Variants in PDE1C observed in about 807,000 individuals in gnomAD.
The protein encoded by PDE1C is dual specificity calcium/calmodulin-dependent 3',5'-cyclic nucleotide phosphodiesterase 1C.
Under a neutral mutation model 93.1 loss-of-function variants are expected in PDE1C, and 62 were observed. The ratio of observed to expected loss-of-function variants is 0.67; its 90% CI spans 0.54 to 0.82. PDE1C has a LOEUF of 0.82. PDE1C is among the 40% of genes least tolerant of loss of function. PDE1C has a pLI of 0.00. For missense variants in PDE1C, 742 were observed against 884.6 expected (o/e 0.84, Z 2.04); for synonymous variants, 325 against 310.1 (o/e 1.05, Z -0.50).
At chr7:31,676,220 A>G in the PDE1C span, among the ~76,000 whole-genome samples, 1 of 152,144 alleles carries the variant, frequency 6.6e-6, no homozygotes, top group Non-Finnish European at 1.5e-5. Flanking sequence ...CCAGAGTGTA[A>G]GATGTACCCA....
chr7:31,763,785 T>G (rs1794974325), intron 17 of PDE1C, among the ~76,000 whole-genome samples: 1 of 152,058 alleles, frequency 6.6e-6, no homozygotes. Context: ...CCCTGGTGGA[T>G]CTTCTTATTA....
At position 32,113,546 on chromosome 7, in the gene PDE1C, A is replaced by G. The variant is rs140222922; in HGVS notation, c.308+56239T>C. Among the ~76,000 whole-genome samples, 1,492 of 151,780 alleles carry G rather than the reference A, an allele frequency of 9.8e-3. 25 individuals carry two copies. The highest frequency in any genetic ancestry group is 0.034 in the African/African-American group (1,426 of 41,408). On this transcript the variant is annotated intron_variant, in intron 3 of 18. Transcript: ENST00000396193. Reference sequence around the variant, plus strand: ...TTAGAAATAAATATTACCTTTTAACATCAATTTATCTAGTAATGAAATAAA... The same window carrying G: ...TTAGAAATAAATATTACCTTTTAACGTCAATTTATCTAGTAATGAAATAAA...
intron 16 of PDE1C, among the ~76,000 whole-genome samples, chr7:31,807,360 C>T (rs530201131): frequency 6.6e-6 from 1 of 151,978 alleles, no homozygotes; most frequent in African/African-American, 2.4e-5. Context: ...AAACTTTACA[C>T]TTATTTGCAC....
At chr7:31,693,993 T>A in the PDE1C span, among the ~76,000 whole-genome samples, 6 of 152,214 alleles carry the variant, frequency 3.9e-5, no homozygotes, top group Non-Finnish European at 8.8e-5. Context: ...CTTCTTTGAA[T>A]CCTAACGGAA....
In PDE1C at chr7:31,773,637, A is replaced by G. The variant is rs1030138271; in HGVS notation, c.1960+2027T>C. Among the ~76,000 whole-genome samples, 26 of 152,110 alleles carry G rather than the reference A, an allele frequency of 1.7e-4. 1 individual carries two copies. Among genetic ancestry groups the G allele is most frequent in the Non-Finnish European group, 2.9e-5 (2 of 68,036 alleles). ...TCACTACTCAAAAGCAAGTCTGTAG[A>G]GTTGAAACAAATCCAAACTTTAAGA... On this transcript the variant is annotated intron_variant, in intron 17 of 17. Transcript: ENST00000396191.
intron 1 of PDE1C, among the ~76,000 whole-genome samples, chr7:32,227,850 T>G (rs1807407705): frequency 1.3e-5 from 2 of 152,158 alleles, no homozygotes; most frequent in South Asian, 4.1e-4. Flanking sequence ...TATAAAGACA[T>G]GCAAGCAGCC....
intron 2 of PDE1C, among the ~76,000 whole-genome samples, chr7:32,191,118 C>T (rs192157631): frequency 3.8e-4 from 58 of 152,096 alleles, no homozygotes; most frequent in African/African-American, 1.3e-3. Context: ...TTCTGCAGGC[C>T]GTGAGAAGTC....
Position 32,347,344 on chromosome 7 carries a change from T to C in PDE1C, c.310+80478A>G, listed in dbSNP as rs565734652. 5.9e-5 allele frequency among the ~76,000 whole-genome samples: 9 copies of C among 152,346 alleles called. No homozygotes were observed. In the South Asian group the frequency reaches 1.9e-3, roughly 32 times the overall value. On this transcript the variant is annotated intron_variant, in intron 1 of 1. Coordinates refer to the PDE1C transcript ENST00000672256. ...GGAATCAAGGAAGAGTGAAACTTTATTGACCTCTCAGTCTTTATAGACCTT... is the reference window on the plus strand; with the variant it reads ...GGAATCAAGGAAGAGTGAAACTTTACTGACCTCTCAGTCTTTATAGACCTT...
At chr7:32,034,191 G>A (rs943191009) in intron 2 of PDE1C, among the ~76,000 whole-genome samples, 1 of 151,978 alleles carries the variant, frequency 6.6e-6, no homozygotes, top group African/African-American at 2.4e-5. Context: ...GAGACAACAT[G>A]AGCAAAGAAC....
At chr7:32,146,294 A>G (rs868433332) in intron 3 of PDE1C, among the ~76,000 whole-genome samples, 1 of 152,194 alleles carries the variant, frequency 6.6e-6, no homozygotes, top group Non-Finnish European at 1.5e-5. Flanking sequence ...GCTTCAAGTC[A>G]ACACAAATGC....
chr7:32,426,456 G>A (rs1011520212), intron 1 of PDE1C, among the ~76,000 whole-genome samples: 7 of 151,920 alleles, frequency 4.6e-5, no homozygotes, highest in Admixed American at 2.6e-4. Context: ...TGAGTTTTTG[G>A]TAGAGATGGA....
chr7:31,672,965 C>G, the PDE1C span, among the ~76,000 whole-genome samples: 3 of 152,146 alleles, frequency 2.0e-5, no homozygotes, highest in Admixed American at 6.5e-5. Flanking sequence ...TGTGCCTCCC[C>G]CTTCTTCCTT....
Position 32,155,156 on chromosome 7 carries a change from C to T in PDE1C, c.308+14629G>A, listed in dbSNP as rs553689293. Among the ~76,000 whole-genome samples the T allele has an allele frequency of 2.4e-4, 36 of 152,344 alleles. No homozygotes were observed. In the East Asian group the frequency reaches 6.4e-3, roughly 27 times the overall value. ...AAAACCAGAGAACACAGACCTTCTG[C>T]CTCATTGCTGGACCAGGGAGGCCGT... On this transcript the variant is annotated intron_variant, in intron 3 of 18. Transcript: ENST00000396193.
intron 2 of PDE1C, among the ~76,000 whole-genome samples, chr7:31,955,870 C>T (rs1258086379): frequency 6.6e-6 from 1 of 152,242 alleles, no homozygotes; most frequent in Non-Finnish European, 1.5e-5. Context: ...CTCTTCTCTT[C>T]TGTCTGCACT....
chr7:32,083,126 A>T (rs1404501973), intron 3 of PDE1C, among the ~76,000 whole-genome samples: 1 of 152,126 alleles, frequency 6.6e-6, no homozygotes, highest in Non-Finnish European at 1.5e-5. Flanking sequence ...ACGAATGTAT[A>T]ACTAGAATAA....
At chr7:32,344,518 C>T (rs919685888) in intron 1 of PDE1C, among the ~76,000 whole-genome samples, 3 of 152,250 alleles carry the variant, frequency 2.0e-5, no homozygotes, top group East Asian at 1.9e-4. Context: ...TTGAACACAT[C>T]GGGCACCATC....
chr7:32,105,595 G>T (rs1309449927), intron 3 of PDE1C, among the ~76,000 whole-genome samples: 2 of 152,070 alleles, frequency 1.3e-5, no homozygotes, highest in African/African-American at 4.8e-5. Flanking sequence ...AATGTTGGCA[G>T]ATAAGCGTCC....
upstream of PDE1C, among the ~76,000 whole-genome samples, chr7:32,071,823 C>G (rs904117961): frequency 2.6e-5 from 4 of 152,128 alleles, no homozygotes; most frequent in African/African-American, 9.7e-5. Context: ...TGATTGCAAG[C>G]GACATCACAG....
intron 1 of PDE1C, among the ~76,000 whole-genome samples, chr7:32,060,467 T>C (rs1047828277): frequency 1.3e-5 from 2 of 152,204 alleles, no homozygotes; most frequent in African/African-American, 2.4e-5. Flanking sequence ...TAGCATCATC[T>C]ATGTAAGCCT....
Sources: gnomAD v4.1 joint callset for allele counts (sites outside exome capture counted in the v4.1 genomes callset) on GRCh38, gnomAD v4.1.1 for gene constraint, MANE v1.5 for transcripts, NCBI Gene and HGNC (gene_info 2026-07-23, HGNC 2026-07-21) for gene names.